The following SRSF10 variants were observed in gnomAD, a reference collection of about 807,000 sequenced individuals.
SRSF10 encodes serine and arginine rich splicing factor 10.
A neutral mutation model predicts 32.6 loss-of-function variants in SRSF10; 9 were observed. The ratio of observed to expected loss-of-function variants is 0.28; its 90% CI spans 0.17 to 0.48. The LOEUF (loss-of-function observed/expected upper bound fraction) is 0.48. SRSF10 is among the 20% of genes least tolerant of loss of function. The pLI is 0.99. For synonymous variants in SRSF10, 105 were observed against 112.4 expected, an observed-to-expected ratio of 0.93 and a Z score of 0.42; for missense variants, 201 against 331.8, an observed-to-expected ratio of 0.61 and a Z score of 3.06.
In SRSF10 at chr1:23,974,996, CTG is replaced by C; in HGVS notation, c.250_251del (p.Gln84ValfsTer27). 1 of 1,613,658 alleles carries C rather than the reference CTG, an allele frequency of 6.2e-7. No individual in the cohort carries two copies. Among genetic ancestry groups the C allele is most frequent in the Non-Finnish European group, 8.5e-7 (1 of 1,179,610 alleles). ...KWICGRQIEIQFAQGDRKTPN... is the reference protein window; with the variant it reads ...KWICGRQIEIXFAQGDRKTPN... ...TACTCTTTCGATCCCCCTGGGCAAA[CTG>C]TATTTCAATCTGCCGTCCACAAATC... is the stretch of plus-strand genomic sequence containing the variant. On this transcript the variant is annotated frameshift_variant, in exon 3 of 6. Coordinates refer to ENST00000492112, the MANE Select transcript of SRSF10 (RefSeq NM_054016.4). LOFTEE classifies it high-confidence loss of function.
chr1:23,972,936 C>A (rs1182773980), intron 3 of SRSF10, among the ~76,000 whole-genome samples: 5 of 152,172 alleles, frequency 3.3e-5, no homozygotes, highest in African/African-American at 1.2e-4. Flanking sequence ...GACAGGGTTT[C>A]TCCATGTTGG....
chr1:23,978,628 C>T, intron 2 of SRSF10, 85 bp downstream of exon 2: 1 of 1,441,464 alleles, frequency 6.9e-7, no homozygotes. Flanking sequence ...ACAAAAAGAA[C>T]TACTTTTTAG....
chr1:23,971,839 A>G lies in SRSF10; in HGVS notation c.437+11T>C, dbSNP rs1466745254. 6.3e-7 allele frequency: 1 copy of G among 1,599,436 alleles called. No individual in the cohort carries two copies. Among genetic ancestry groups the G allele is most frequent in the East Asian group, 2.2e-5 (1 of 44,772 alleles). On this transcript the variant is annotated intron_variant, in intron 4 of 5. Coordinates refer to ENST00000492112, the MANE Select transcript of SRSF10 (RefSeq NM_054016.4). ...TTTTAAACAGATCACTGTGCTACAC[A>G]GCACACTTACTTTCTAGGACTATAC...
At chr1:23,980,150 G>T in intron 1 of SRSF10, 41 bp downstream of exon 1, 1 of 1,525,082 alleles carries the variant, frequency 6.6e-7, no homozygotes. Flanking sequence ...AGGCGCCTGC[G>T]GCCTCCCCGC....
At chr1:23,980,058 G>C in intron 1 of SRSF10, 133 bp downstream of exon 1, 1 of 1,008,866 alleles carries the variant, frequency 9.9e-7, no homozygotes, top group Middle Eastern at 3.2e-4. Flanking sequence ...GGCCTAGTTC[G>C]GCGCCAAAGC....
At chr1:23,976,119 AGG>A (rs1379232112) in intron 2 of SRSF10, 5 of 152,100 alleles carry the variant, frequency 3.3e-5, no homozygotes, top group Non-Finnish European at 7.4e-5. Flanking sequence ...GGTTAGGTAC[AGG>A]TATAGGTTTT....
At position 23,964,684 on chromosome 1, in the gene SRSF10, G is replaced by C. The variant is rs1431203278; in HGVS notation, c.*6458C>G. Reference sequence around the variant, plus strand: ...TTTCTAGTATTTTGGTTGCATTCTTGTAGGCAATTTGTAAAGCAAGAGGGA... The same window carrying C: ...TTTCTAGTATTTTGGTTGCATTCTTCTAGGCAATTTGTAAAGCAAGAGGGA... On this transcript the variant is annotated 3_prime_UTR_variant, in exon 6 of 6. Coordinates refer to ENST00000492112, the MANE Select transcript of SRSF10 (RefSeq NM_054016.4). 4 of 151,918 alleles carry C rather than the reference G, an allele frequency of 2.6e-5. No homozygotes were observed. The highest frequency in any genetic ancestry group is 1.3e-4 in the Admixed American group (2 of 15,244). 9.4% of individuals were successfully genotyped at this position (151,918 alleles called of 1,614,324 possible).
chr1:23,980,244 G>A lies in SRSF10; in HGVS notation c.12C>T (p.Tyr4=). 3.3e-6 allele frequency: 5 copies of A among 1,510,088 alleles called. No individual in the cohort carries two copies. The highest frequency in any genetic ancestry group is 1.7e-4 in the Middle Eastern group (1 of 5,818). 93.5% of individuals were successfully genotyped at this position (1,510,088 alleles called of 1,614,324 possible). The change falls in exon 1 of 6, where the codon TAC becomes TAT. Residue 4 remains tyrosine (Y), a synonymous_variant. Transcript: ENST00000492112. MSR[Y]LRPPNTSLFV... ...ACAGAGACGTGTTGGGGGGACGCAG[G>A]TAGCGGGACATGGCGGCGGCGTGTC...
At chr1:23,980,111 C>G in intron 1 of SRSF10, 80 bp downstream of exon 1, 1 of 1,421,216 alleles carries the variant, frequency 7.0e-7, no homozygotes, top group African/African-American at 1.5e-5. Flanking sequence ...CTCCCCCGGC[C>G]CAGTGCCGCC....
Position 23,980,300 on chromosome 1 carries a change from C to G in SRSF10, c.-45G>C. Reference sequence around the variant, plus strand: ...CGGGCGCACTAACGGGCTCAGCAAACCGTCCGCGGCTCAGGCGGCCGAGCC... The same window carrying G: ...CGGGCGCACTAACGGGCTCAGCAAAGCGTCCGCGGCTCAGGCGGCCGAGCC... On this transcript the variant is annotated 5_prime_UTR_variant, in exon 1 of 6. Coordinates refer to ENST00000492112, the MANE Select transcript of SRSF10 (RefSeq NM_054016.4). 7.1e-7 allele frequency: 1 copy of G among 1,402,244 alleles called. No individual in the cohort carries two copies. Among genetic ancestry groups the G allele is most frequent in the Middle Eastern group, 1.9e-4 (1 of 5,340 alleles). The allele number at this position is 1,402,244 out of a possible 1,614,324, so 86.9% of individuals were successfully genotyped here.
At position 23,969,316 on chromosome 1, in the gene SRSF10, C is replaced by T; in HGVS notation, c.*1826G>A. 2 of 985,080 alleles carry T rather than the reference C, an allele frequency of 2.0e-6. No individual in the cohort carries two copies. The highest frequency in any genetic ancestry group is 2.4e-6 in the Non-Finnish European group (2 of 829,264). 61.0% of individuals were successfully genotyped at this position (985,080 alleles called of 1,614,324 possible). On this transcript the variant is annotated 3_prime_UTR_variant, in exon 6 of 6. Transcript: ENST00000492112. ...AACTACTGCTACAGTTTTAAATAGACTTTTTGTTGTTTAAACTATACATCC... is the reference window on the plus strand; with the variant it reads ...AACTACTGCTACAGTTTTAAATAGATTTTTTGTTGTTTAAACTATACATCC...
intron 1 of SRSF10, among the ~76,000 whole-genome samples, chr1:23,979,355 G>A (rs1183458126): frequency 2.6e-5 from 4 of 151,910 alleles, no homozygotes; most frequent in Non-Finnish European, 4.4e-5. Context: ...AAATCACAAA[G>A]CTAGCAAAAA....
chr1:23,974,897 T>C, intron 3 of SRSF10, 77 bp downstream of exon 3: 3 of 1,066,494 alleles, frequency 2.8e-6, no homozygotes, highest in Admixed American at 2.2e-5. Context: ...GAAACACAAA[T>C]TGCTTAAATT....
intron 1 of SRSF10, 95 bp from the exon 2 acceptor site, chr1:23,978,912 G>A: frequency 1.9e-6 from 2 of 1,079,314 alleles, no homozygotes; most frequent in South Asian, 3.8e-5. Context: ...TAGGATCCAA[G>A]AATTTGGAAG....
At position 23,971,484 on chromosome 1, in the gene SRSF10, C is replaced by A. The variant is rs1320095265; in HGVS notation, c.492-45G>T. On this transcript the variant is annotated intron_variant, in intron 5 of 5. Transcript: ENST00000492112. ...ATATAATTAGAGTAAAAATTAGATT[C>A]TATATTAATCAAATTTGTTATTTTT... 17 of 1,585,022 alleles carry A rather than the reference C, an allele frequency of 1.1e-5. No individual in the cohort carries two copies. The East Asian group carries it at 3.6e-4, about 33-fold the overall frequency.
chr1:23,980,144 G>C (rs919702210), intron 1 of SRSF10, 47 bp downstream of exon 1: 2 of 1,517,030 alleles, frequency 1.3e-6, no homozygotes, highest in African/African-American at 2.9e-5. Flanking sequence ...CTCTCCAGGC[G>C]CCTGCGGCCT....
chr1:23,971,505 T>C (rs1209268053), intron 5 of SRSF10, 66 bp from the exon 6 acceptor site: 2 of 1,589,142 alleles, frequency 1.3e-6, no homozygotes, highest in Non-Finnish European at 1.7e-6. Flanking sequence ...AAATTTGTTA[T>C]TTTTAGAGCA....
chr1:23,979,569 G>A (rs780092844), intron 1 of SRSF10, among the ~76,000 whole-genome samples: 32 of 152,236 alleles, frequency 2.1e-4, no homozygotes, highest in Non-Finnish European at 4.1e-4. Flanking sequence ...AATGACTGAC[G>A]CTTCCCAAAC....
intron 1 of SRSF10, among the ~76,000 whole-genome samples, chr1:23,979,524 C>T (rs902601895): frequency 1.3e-5 from 2 of 152,126 alleles, no homozygotes; most frequent in Non-Finnish European, 2.9e-5. Flanking sequence ...ATTTAAGGTA[C>T]GTCTGAATTA....
Sources: allele counts gnomAD v4.1 joint callset (sites outside exome capture counted in the v4.1 genomes callset), GRCh38; gene constraint gnomAD v4.1.1; transcripts MANE v1.5; gene names NCBI Gene and HGNC (gene_info 2026-07-23, HGNC 2026-07-21).